Variants in SLC24A2 observed in about 807,000 individuals in gnomAD.
SLC24A2 encodes the protein sodium/potassium/calcium exchanger 2.
SLC24A2 carries 36 observed loss-of-function variants against 62.0 expected under a neutral mutation model. The ratio of observed to expected loss-of-function variants is 0.58; its 90% CI spans 0.44 to 0.77. The LOEUF is 0.77. Ranked by LOEUF, SLC24A2 falls within the 30% of genes least tolerant of loss-of-function variation. The pLI is 0.00. For synonymous variants in SLC24A2, 358 were observed against 294.0 expected, an observed-to-expected ratio of 1.22 and a Z score of -2.23; for missense variants, 846 against 817.9, an observed-to-expected ratio of 1.03 and a Z score of -0.42.
intron 8 of SLC24A2, among the ~76,000 whole-genome samples, chr9:19,532,509 A>C (rs1173361298): frequency 6.6e-6 from 1 of 152,294 alleles, no homozygotes; most frequent in African/African-American, 2.4e-5. Context: ...GTTGTATTAA[A>C]ATTTTTTTCC....
At chr9:19,652,715 T>C (rs1253510583) in intron 2 of SLC24A2, among the ~76,000 whole-genome samples, 1 of 152,246 alleles carries the variant, frequency 6.6e-6, no homozygotes, top group Non-Finnish European at 1.5e-5. Context: ...TAATTTATAC[T>C]GGTAATAATA....
intron 5 of SLC24A2, among the ~76,000 whole-genome samples, chr9:19,592,556 A>G (rs1271016823): frequency 1.3e-5 from 2 of 151,636 alleles, no homozygotes; most frequent in Non-Finnish European, 1.5e-5. Context: ...CTACCTATCT[A>G]CCTACATGTC....
chr9:19,719,589 T>G (rs1820964356), intron 2 of SLC24A2, among the ~76,000 whole-genome samples: 1 of 152,132 alleles, frequency 6.6e-6, no homozygotes, highest in Non-Finnish European at 1.5e-5. Flanking sequence ...AAAGTTGAGA[T>G]GCAGAGCAGA....
At chr9:19,738,714 C>T (rs1821584175) in intron 2 of SLC24A2, among the ~76,000 whole-genome samples, 2 of 151,820 alleles carry the variant, frequency 1.3e-5, no homozygotes, top group Admixed American at 6.6e-5. Flanking sequence ...AGGTTGTTTC[C>T]AACTCTTGGC....
the SLC24A2 span, among the ~76,000 whole-genome samples, chr9:19,805,304 T>C: frequency 5.3e-5 from 8 of 152,170 alleles, no homozygotes; most frequent in African/African-American, 1.9e-4. Context: ...AACATGACAA[T>C]ACCATAAACA....
intron 8 of SLC24A2, 66 bp downstream of exon 8, chr9:19,550,071 A>C (rs140490492): frequency 2.0e-6 from 3 of 1,526,546 alleles, no homozygotes; most frequent in Middle Eastern, 1.7e-4. Flanking sequence ...AAACTGAAGC[A>C]GACTATGCAC....
the SLC24A2 span, chr9:19,895,803 G>C: frequency 1.3e-6 from 2 of 1,595,010 alleles, no homozygotes; most frequent in Non-Finnish European, 1.7e-6. Context: ...CCTGTCATCT[G>C]CTTGGGTTGC....
the SLC24A2 span, among the ~76,000 whole-genome samples, chr9:20,071,757 A>T: frequency 6.6e-6 from 1 of 152,054 alleles, no homozygotes; most frequent in Non-Finnish European, 1.5e-5. Flanking sequence ...TCAGAACTGA[A>T]CTGTGGACAC....
chr9:20,199,700 T>A, the SLC24A2 span, among the ~76,000 whole-genome samples: 1 of 151,902 alleles, frequency 6.6e-6, no homozygotes, highest in Non-Finnish European at 1.5e-5. Context: ...TTCTGATATC[T>A]GGGTTTCTTT....
At chr9:19,684,786 T>A (rs1177928434) in intron 2 of SLC24A2, among the ~76,000 whole-genome samples, 3 of 151,848 alleles carry the variant, frequency 2.0e-5, no homozygotes, top group Non-Finnish European at 4.4e-5. Context: ...TTCACTATGT[T>A]TTGAGGAGAA....
chr9:19,835,808 T>G, the SLC24A2 span, among the ~76,000 whole-genome samples: 1 of 152,152 alleles, frequency 6.6e-6, no homozygotes, highest in Non-Finnish European at 1.5e-5. Flanking sequence ...TACTCCAAAA[T>G]TGACCACATA....
chr9:19,717,922 C>T (rs1481787610), intron 2 of SLC24A2, among the ~76,000 whole-genome samples: 1 of 150,646 alleles, frequency 6.6e-6, no homozygotes, highest in East Asian at 2.0e-4. Context: ...GTGTTAAGAT[C>T]TAATCAGATT....
the SLC24A2 span, among the ~76,000 whole-genome samples, chr9:20,026,088 C>A: frequency 1.3e-5 from 2 of 152,070 alleles, no homozygotes; most frequent in African/African-American, 4.8e-5. Flanking sequence ...CATATTTTTT[C>A]TTTACCTCAG....
At chr9:19,521,940 C>G (rs1833225503) in intron 9 of SLC24A2, among the ~76,000 whole-genome samples, 1 of 146,934 alleles carries the variant, frequency 6.8e-6, no homozygotes, top group South Asian at 2.1e-4. Flanking sequence ...GAAGGTTGGT[C>G]TAGCCTCACG....
At chr9:20,265,022 T>C in the SLC24A2 span, among the ~76,000 whole-genome samples, 1 of 152,222 alleles carries the variant, frequency 6.6e-6, no homozygotes. Flanking sequence ...TCTATTAGCA[T>C]GGGTCTTTCA....
the SLC24A2 span, among the ~76,000 whole-genome samples, chr9:19,987,229 G>A: frequency 6.6e-6 from 1 of 152,034 alleles, no homozygotes; most frequent in African/African-American, 2.4e-5. Flanking sequence ...AGGTGTGCGG[G>A]TAGAGAGGTC....
intron 2 of SLC24A2, among the ~76,000 whole-genome samples, chr9:19,708,395 G>GA (rs1224466995): frequency 6.6e-6 from 1 of 151,968 alleles, no homozygotes; most frequent in South Asian, 2.1e-4. Context: ...CACAGAATTG[G>GA]AAAAAACTAC....
intron 2 of SLC24A2, among the ~76,000 whole-genome samples, chr9:19,673,704 C>T (rs554707405): frequency 1.2e-4 from 19 of 152,260 alleles, no homozygotes; most frequent in Admixed American, 6.5e-5. Context: ...CCTGCTTTGG[C>T]CTCCCAAAAT....
chr9:19,733,230 A>G (rs531049965), intron 2 of SLC24A2, among the ~76,000 whole-genome samples: 1 of 152,206 alleles, frequency 6.6e-6, no homozygotes, highest in East Asian at 1.9e-4. Context: ...TGGATTTAGA[A>G]TTTTCTTGGA....
Sources: allele counts gnomAD v4.1 joint callset (sites outside exome capture counted in the v4.1 genomes callset), GRCh38; gene constraint gnomAD v4.1.1; transcripts MANE v1.5; gene names NCBI Gene and HGNC (gene_info 2026-07-23, HGNC 2026-07-21).